Variants in GABRB1 observed in about 807,000 individuals in gnomAD.
GABRB1 encodes gamma-aminobutyric acid type A receptor subunit beta1.
In GABRB1, 17 loss-of-function variants were observed where a neutral mutation model predicts 51.6. The ratio of observed to expected loss-of-function variants is 0.33; its 90% confidence interval spans 0.23 to 0.49. The LOEUF (loss-of-function observed/expected upper bound fraction) is 0.49, where lower values mean the gene tolerates loss of function less well. GABRB1 is among the 20% of genes least tolerant of loss of function. The pLI, the probability that GABRB1 is intolerant of heterozygous loss-of-function variation, is 0.99. For missense variants in GABRB1, 410 were observed against 600.6 expected, an observed-to-expected ratio of 0.68 and a Z score of 3.32; for synonymous variants, 247 against 218.9, an observed-to-expected ratio of 1.13 and a Z score of -1.14.
rs187188781 is a variant in GABRB1 at position 47,134,729 on chromosome 4, T to C, written c.241-26520T>C. Among the ~76,000 whole-genome samples, 12 of 152,248 alleles carry C rather than the reference T, an allele frequency of 7.9e-5. No individual in the cohort carries two copies. The East Asian group carries it at 1.7e-3, about 22-fold the overall frequency. On this transcript the variant is annotated intron_variant, in intron 3 of 8. Coordinates refer to ENST00000295454, the MANE Select transcript of GABRB1 (RefSeq NM_000812.4). ...GAAATAATTCCGTTTTCTAAATGTA[T>C]AGTACAGTAGGTGGAAAAGGACACA...
intron 4 of GABRB1, among the ~76,000 whole-genome samples, chr4:47,259,532 G>GT (rs1310280207): frequency 1.3e-5 from 2 of 152,104 alleles, no homozygotes; most frequent in African/African-American, 2.4e-5. Flanking sequence ...AATCACCTTA[G>GT]TTTTTTTGTT....
At chr4:47,011,584 G>A (rs1422861572) in intron 1 of GABRB1, among the ~76,000 whole-genome samples, 1 of 152,188 alleles carries the variant, frequency 6.6e-6, no homozygotes, top group African/African-American at 2.4e-5. Context: ...TTGTGGGCAT[G>A]CACATCTGTT....
chr4:47,284,527 C>T (rs1442857158), intron 4 of GABRB1, among the ~76,000 whole-genome samples: 1 of 152,188 alleles, frequency 6.6e-6, no homozygotes, highest in East Asian at 1.9e-4. Flanking sequence ...TATTTCCCTA[C>T]TTCCAAGAGG....
intron 8 of GABRB1, among the ~76,000 whole-genome samples, chr4:47,413,202 C>T (rs13434696): frequency 6.6e-6 from 1 of 152,014 alleles, no homozygotes. Context: ...GAAATTCCGC[C>T]GAGGTCTCTG....
intron 4 of GABRB1, among the ~76,000 whole-genome samples, chr4:47,213,796 T>C (rs1645597924): frequency 6.6e-6 from 1 of 152,100 alleles, no homozygotes; most frequent in Non-Finnish European, 1.5e-5. Context: ...ATGTATGTAG[T>C]GATTTGTGTG....
intron 3 of GABRB1, among the ~76,000 whole-genome samples, chr4:47,137,331 C>T (rs1191120891): frequency 3.7e-5 from 1 of 27,386 alleles, no homozygotes; most frequent in African/African-American, 1.2e-4. Flanking sequence ...CAGTCCTTTG[C>T]TGTTTCTGGC....
intron 3 of GABRB1, among the ~76,000 whole-genome samples, chr4:47,102,819 A>G (rs1714778973): frequency 6.6e-6 from 1 of 152,054 alleles, no homozygotes; most frequent in Non-Finnish European, 1.5e-5. Context: ...ACTAGGTTGA[A>G]AAAAGTTAAA....
At chr4:47,392,181 G>T (rs554023514) in intron 5 of GABRB1, among the ~76,000 whole-genome samples, 2 of 152,022 alleles carry the variant, frequency 1.3e-5, no homozygotes, top group African/African-American at 4.8e-5. Flanking sequence ...GCACAAGTTT[G>T]AATCTGATGT....
intron 5 of GABRB1, among the ~76,000 whole-genome samples, chr4:47,377,217 C>T (rs1046500646): frequency 1.3e-5 from 2 of 152,174 alleles, no homozygotes; most frequent in African/African-American, 4.8e-5. Flanking sequence ...AATATCCGCT[C>T]ACTGCAACCT....
intron 6 of GABRB1, 50 bp downstream of exon 6, chr4:47,403,505 G>A (rs749101830): frequency 6.2e-7 from 1 of 1,613,298 alleles, no homozygotes; most frequent in Non-Finnish European, 8.5e-7. Flanking sequence ...AAAGGAAGAA[G>A]ATGGTTCCAA....
chr4:47,033,826 T>C (rs1725440634), intron 3 of GABRB1, among the ~76,000 whole-genome samples: 1 of 152,218 alleles, frequency 6.6e-6, no homozygotes, highest in Non-Finnish European at 1.5e-5. Context: ...TGTAAATGTC[T>C]CTGATTGTCG....
upstream of GABRB1, among the ~76,000 whole-genome samples, chr4:47,027,769 C>G (rs962178721): frequency 2.6e-5 from 4 of 151,528 alleles, no homozygotes; most frequent in African/African-American, 9.7e-5. Context: ...ATGTAAATAT[C>G]TTGAAAAGCA....
intron 5 of GABRB1, among the ~76,000 whole-genome samples, chr4:47,356,951 G>T (rs1214505771): frequency 6.6e-6 from 1 of 151,988 alleles, no homozygotes; most frequent in African/African-American, 2.4e-5. Flanking sequence ...CATCTTTCAG[G>T]GTCAGTCATT....
intron 5 of GABRB1, among the ~76,000 whole-genome samples, chr4:47,351,976 A>G (rs1412965832): frequency 6.6e-6 from 1 of 152,062 alleles, no homozygotes; most frequent in Non-Finnish European, 1.5e-5. Context: ...ATCCCTGAGG[A>G]ATCGCCACAC....
intron 5 of GABRB1, among the ~76,000 whole-genome samples, chr4:47,320,877 C>T (rs1725059403): frequency 6.6e-6 from 1 of 150,498 alleles, no homozygotes; most frequent in Non-Finnish European, 1.5e-5. Context: ...TCACGCCATT[C>T]TCCTGCCTCA....
At chr4:47,351,199 A>T (rs137873075) in intron 5 of GABRB1, among the ~76,000 whole-genome samples, 1 of 152,296 alleles carries the variant, frequency 6.6e-6, no homozygotes, top group East Asian at 1.9e-4. Context: ...CCATGGCACC[A>T]TATTGGAAAA....
At chr4:47,190,842 C>A (rs1292338602) in intron 4 of GABRB1, among the ~76,000 whole-genome samples, 1 of 152,146 alleles carries the variant, frequency 6.6e-6, no homozygotes, top group African/African-American at 2.4e-5. Context: ...AGGCTTTCAA[C>A]CAGCACACTG....
At chr4:47,397,772 C>T (rs1330803261) in intron 5 of GABRB1, among the ~76,000 whole-genome samples, 1 of 152,046 alleles carries the variant, frequency 6.6e-6, no homozygotes, top group Non-Finnish European at 1.5e-5. Context: ...AGGGTTTCAC[C>T]ATGTTGGCCA....
chr4:47,256,214 T>C (rs921663076), intron 4 of GABRB1, among the ~76,000 whole-genome samples: 2 of 152,210 alleles, frequency 1.3e-5, no homozygotes, highest in Non-Finnish European at 2.9e-5. Flanking sequence ...AGTTTGAAGA[T>C]GTTCTTTAAG....
Sources: gnomAD v4.1 joint callset for allele counts (sites outside exome capture counted in the v4.1 genomes callset) on GRCh38, gnomAD v4.1.1 for gene constraint, MANE v1.5 for transcripts, NCBI Gene and HGNC (gene_info 2026-07-23, HGNC 2026-07-21) for gene names.